Variants in SHISAL1 observed in about 807,000 individuals in gnomAD.
The protein encoded by SHISAL1 is protein shisa-like-1.
A neutral mutation model predicts 22.6 loss-of-function variants in SHISAL1; 9 were observed. The observed-to-expected ratio is 0.40, with a 90% confidence interval of 0.24 to 0.70. The LOEUF is 0.70. Among genes scored for constraint, SHISAL1 ranks in the 30% least tolerant of loss-of-function variants. The pLI is 0.39. For synonymous variants in SHISAL1, 119 were observed against 115.4 expected (o/e 1.03, Z -0.20); for missense variants, 246 against 270.6 (o/e 0.91, Z 0.64).
At chr22:44,331,622 G>A in the SHISAL1 span, among the ~76,000 whole-genome samples, 1 of 148,020 alleles carries the variant, frequency 6.8e-6, no homozygotes, top group African/African-American at 2.5e-5. This position sits in a 1 kb window ranked among gnomAD's most constrained non-coding sequence, Gnocchi z 5.2. Flanking sequence ...ACAGTTGTCC[G>A]GGTTCTGGGG....
At chr22:44,249,738 C>G (rs1349412841) in intron 4 of SHISAL1, 53 bp from the exon 5 acceptor site, 2 of 777,786 alleles carry the variant, frequency 2.6e-6, no homozygotes, top group Non-Finnish European at 4.8e-6. Context: ...TCCATGGGGA[C>G]ATTTCTCTCT....
rs113486681 is a variant in SHISAL1, at chr22:44,271,997, T to C, written c.599+13431A>G. Among the ~76,000 whole-genome samples, 716 of 152,312 alleles carry C rather than the reference T, an allele frequency of 4.7e-3. 4 individuals carry two copies. Among genetic ancestry groups the C allele is most frequent in the African/African-American group, 0.016 (679 of 41,576 alleles). On this transcript the variant is annotated intron_variant, in intron 4 of 4. Transcript: ENST00000381176. ...ACAGTAGTTGCTGCGTTAGGGCATT[T>C]TAATTAAGATTCCAAACTAAAGATT...
chr22:44,299,739 G>A (rs751384785), intron 2 of SHISAL1, among the ~76,000 whole-genome samples: 2 of 152,142 alleles, frequency 1.3e-5, no homozygotes, highest in Non-Finnish European at 2.9e-5. Flanking sequence ...GACAGAGACA[G>A]AAAGACAGAG....
At chr22:44,326,650 G>A in the SHISAL1 span, among the ~76,000 whole-genome samples, 3 of 152,176 alleles carry the variant, frequency 2.0e-5, no homozygotes, top group South Asian at 6.2e-4. Context: ...ACATCTGTTG[G>A]GGTAGGTGTG....
the SHISAL1 span, among the ~76,000 whole-genome samples, chr22:44,321,299 G>A: frequency 6.6e-6 from 1 of 152,156 alleles, no homozygotes; most frequent in African/African-American, 2.4e-5. Context: ...CAAGTGCCAC[G>A]GAACAGCCAT....
chr22:44,308,446 T>C (rs1394557969), intron 1 of SHISAL1, among the ~76,000 whole-genome samples: 1 of 152,164 alleles, frequency 6.6e-6, no homozygotes. Flanking sequence ...GCCCTCTGGG[T>C]CTGTGGTGCC....
At chr22:44,329,143 G>A in the SHISAL1 span, among the ~76,000 whole-genome samples, 9 of 152,234 alleles carry the variant, frequency 5.9e-5, no homozygotes, top group South Asian at 2.1e-4. Flanking sequence ...CTTGTCCAGG[G>A]TCACTTCCTC....
chr22:44,276,762 G>A (rs2055242531), intron 4 of SHISAL1, among the ~76,000 whole-genome samples: 1 of 152,178 alleles, frequency 6.6e-6, no homozygotes, highest in South Asian at 2.1e-4. Flanking sequence ...ATTCAGGGGA[G>A]AGAGACCAGG....
chr22:44,317,728 G>A (rs151332877), upstream of SHISAL1, among the ~76,000 whole-genome samples: 1,414 of 152,264 alleles, frequency 9.3e-3, 7 homozygotes, highest in Non-Finnish European at 0.015. Flanking sequence ...CCTGACACCA[G>A]ACTTAGAACC....
the SHISAL1 span, among the ~76,000 whole-genome samples, chr22:44,319,153 C>T: frequency 2.0e-5 from 3 of 152,246 alleles, no homozygotes; most frequent in Admixed American, 6.5e-5. Flanking sequence ...GCCTCGCACG[C>T]GGTGGAGACA....
At chr22:44,266,525 GGTATGTGT>G (rs1555926281) in intron 4 of SHISAL1, among the ~76,000 whole-genome samples, 3 of 45,652 alleles carry the variant, frequency 6.6e-5, no homozygotes, top group Non-Finnish European at 1.7e-4. Flanking sequence ...GGGGCTTTGG[GGTATGTGT>G]GTGTGTGTGT....
chr22:44,283,682 A>G (rs2055291805), intron 4 of SHISAL1, among the ~76,000 whole-genome samples: 2 of 152,058 alleles, frequency 1.3e-5, no homozygotes, highest in South Asian at 4.2e-4. Context: ...TTCCAAATGT[A>G]TGTGCATGCA....
At position 44,249,499 on chromosome 22, in the gene SHISAL1, C is replaced by T. The variant is rs1413448696; in HGVS notation, c.*186G>A. 3.7e-6 allele frequency: 2 copies of T among 543,238 alleles called. No homozygotes were observed. Among genetic ancestry groups the T allele is most frequent in the African/African-American group, 3.9e-5 (2 of 51,392 alleles). The allele number at this position is 543,238 out of a possible 1,614,324, so 33.7% of individuals were successfully genotyped here. A position where few individuals can be genotyped will look rare whatever the true frequency, so the allele number is the denominator to read the frequency against. On this transcript the variant is annotated 3_prime_UTR_variant, in exon 5 of 5. Coordinates refer to ENST00000381176, the MANE Select transcript of SHISAL1 (RefSeq NM_001099294.2). Reference sequence around the variant, plus strand: ...CCTCCCCTGCACCCCCAGCCCCTACCCCTGAGTTTGCTCCTAATCTTAGAA... The same window carrying T: ...CCTCCCCTGCACCCCCAGCCCCTACTCCTGAGTTTGCTCCTAATCTTAGAA...
intron 3 of SHISAL1, among the ~76,000 whole-genome samples, chr22:44,286,678 C>T (rs1197398089): frequency 6.6e-6 from 1 of 152,214 alleles, no homozygotes; most frequent in African/African-American, 2.4e-5. Context: ...CCCTGAGTTT[C>T]CCTCAAACCC....
intron 1 of SHISAL1, among the ~76,000 whole-genome samples, chr22:44,303,181 C>CT (rs2055444753): frequency 6.6e-6 from 1 of 152,056 alleles, no homozygotes; most frequent in African/African-American, 2.4e-5. Flanking sequence ...TGAGCATCTA[C>CT]TATGTGCCCG....
At chr22:44,305,119 C>A (rs927971355) in intron 1 of SHISAL1, among the ~76,000 whole-genome samples, 12 of 152,360 alleles carry the variant, frequency 7.9e-5, no homozygotes, top group African/African-American at 2.4e-4. Flanking sequence ...CTCCAGGAAG[C>A]CTGCCATGAT....
chr22:44,243,830 G>C lies in SHISAL1; in HGVS notation c.*5855C>G, dbSNP rs369486927. On this transcript the variant is annotated 3_prime_UTR_variant, in exon 5 of 5. Coordinates refer to ENST00000381176, the MANE Select transcript of SHISAL1 (RefSeq NM_001099294.2). ...GAATATTATTGGTTTTGGTTTTCCC[G>C]GTTATCAGCTCTCAGGGAGACCCCA... The C allele has an allele frequency of 6.6e-6, 1 of 152,100 alleles. No individual in the cohort carries two copies. Among genetic ancestry groups the C allele is most frequent in the Non-Finnish European group, 1.5e-5 (1 of 68,016 alleles). 9.4% of individuals were successfully genotyped at this position (152,100 alleles called of 1,614,324 possible).
At chr22:44,279,381 A>G (rs2055261401) in intron 4 of SHISAL1, among the ~76,000 whole-genome samples, 1 of 152,194 alleles carries the variant, frequency 6.6e-6, no homozygotes, top group African/African-American at 2.4e-5. Flanking sequence ...TGTTACGCCA[A>G]GGAAAGAAGA....
At chr22:44,311,146 A>G (rs7510759) in intron 1 of SHISAL1, among the ~76,000 whole-genome samples, 134,311 of 151,912 alleles carry the variant, frequency 0.88, 59,453 homozygotes, top group East Asian at 0.93. Context: ...CCAGGGCTCC[A>G]GTGGGACAGG....
Sources: allele counts gnomAD v4.1 joint callset (sites outside exome capture counted in the v4.1 genomes callset), GRCh38; gene constraint gnomAD v4.1.1; non-coding constraint Gnocchi (gnomAD v3.1); transcripts MANE v1.5; gene names NCBI Gene and HGNC (gene_info 2026-07-23, HGNC 2026-07-21).